The following ITGB6 variants were observed in gnomAD, a reference collection of about 807,000 sequenced individuals.
ITGB6 encodes the protein integrin beta-6.
In ITGB6, 80 loss-of-function variants were observed where a neutral mutation model predicts 84.5. The ratio of observed to expected loss-of-function variants is 0.95; its 90% CI spans 0.79 to 1.14. The LOEUF (loss-of-function observed/expected upper bound fraction) is 1.14. Among genes scored for constraint, ITGB6 ranks in the 50% most tolerant of loss-of-function variants. The pLI, the probability that ITGB6 is intolerant of heterozygous loss-of-function variation, is 0.00. For synonymous variants in ITGB6, 383 were observed against 354.9 expected (o/e 1.08, Z -0.89); for missense variants, 1,006 against 968.0 (o/e 1.04, Z -0.52).
intron 10 of ITGB6, among the ~76,000 whole-genome samples, chr2:160,134,218 G>A (rs1180212066): frequency 4.6e-5 from 7 of 152,094 alleles, no homozygotes; most frequent in Non-Finnish European, 5.9e-5. Context: ...AATGATAAAC[G>A]GGATATCACC....
chr2:160,118,448 T>C (rs556784420), intron 12 of ITGB6, among the ~76,000 whole-genome samples: 1 of 152,252 alleles, frequency 6.6e-6, no homozygotes, highest in Non-Finnish European at 1.5e-5. Flanking sequence ...GAAAAGGCCT[T>C]TGACAAAATT....
chr2:160,150,281 G>T (rs1452421838), intron 7 of ITGB6, among the ~76,000 whole-genome samples: 1 of 152,252 alleles, frequency 6.6e-6, no homozygotes, highest in South Asian at 2.1e-4. Context: ...CTACAAGCCA[G>T]AAGAGAGTGG....
chr2:160,163,005 C>T (rs1175991379), intron 7 of ITGB6, among the ~76,000 whole-genome samples: 1 of 152,106 alleles, frequency 6.6e-6, no homozygotes, highest in Non-Finnish European at 1.5e-5. Flanking sequence ...CCACGTGCCC[C>T]CAATTTCTCA....
At chr2:160,125,889 A>C (rs1237100977) in intron 11 of ITGB6, among the ~76,000 whole-genome samples, 2 of 152,196 alleles carry the variant, frequency 1.3e-5, no homozygotes, top group African/African-American at 4.8e-5. Context: ...GAAGCAGGAG[A>C]GAATTGAAAG....
chr2:160,136,850 A>T (rs1336767603), intron 10 of ITGB6, among the ~76,000 whole-genome samples: 3 of 150,332 alleles, frequency 2.0e-5, no homozygotes, highest in Non-Finnish European at 4.4e-5. Context: ...GAATTGAACA[A>T]TGAGAACACA....
chr2:160,123,811 G>C lies in ITGB6; in HGVS notation c.1961C>G (p.Ala654Gly), dbSNP rs150971153. The change falls in exon 12 of 15, where the codon GCG becomes GGG. Residue 654 changes from alanine to glycine, a missense_variant. By Grantham distance (60) the Ala-to-Gly change is moderately conservative (BLOSUM62 0). Transcript: ENST00000283249. ...ECVDKCKLAG[A>G]TISEEEDFSK... ...AGAACCTTCTTCTTCACTGATGGTC[G>C]CACCAGCTAGTTTGCACTTGTCCAC... 1 of 1,613,442 alleles carries C rather than the reference G, an allele frequency of 6.2e-7. No homozygotes were observed. Among genetic ancestry groups the C allele is most frequent in the Admixed American group, 1.7e-5 (1 of 59,994 alleles).
intron 12 of ITGB6, among the ~76,000 whole-genome samples, chr2:160,118,893 C>A (rs1161912284): frequency 5.3e-5 from 8 of 152,184 alleles, no homozygotes; most frequent in Non-Finnish European, 8.8e-5. Flanking sequence ...AGAACCAAAT[C>A]ATGAGTGAAC....
chr2:160,164,351 C>A (rs949788323), intron 7 of ITGB6, among the ~76,000 whole-genome samples: 1 of 152,126 alleles, frequency 6.6e-6, no homozygotes, highest in Non-Finnish European at 1.5e-5. Context: ...ATATCCTGTG[C>A]GTTGTAAATC....
chr2:160,191,042 T>G (rs920599106), intron 4 of ITGB6, among the ~76,000 whole-genome samples: 1 of 152,160 alleles, frequency 6.6e-6, no homozygotes. Flanking sequence ...AATACAAATT[T>G]TATTCAGGTA....
At chr2:160,139,363 T>C (rs1683898522) in intron 8 of ITGB6, among the ~76,000 whole-genome samples, 1 of 151,670 alleles carries the variant, frequency 6.6e-6, no homozygotes, top group Non-Finnish European at 1.5e-5. Flanking sequence ...ATTTTTAATT[T>C]GTGTGGGTAT....
chr2:160,174,685 A>C (rs193253096), intron 4 of ITGB6, among the ~76,000 whole-genome samples: 1 of 152,320 alleles, frequency 6.6e-6, no homozygotes, highest in Non-Finnish European at 1.5e-5. Context: ...TCTAGAAATA[A>C]AACCACTACT....
chr2:160,165,014 G>A (rs184282809), intron 7 of ITGB6, among the ~76,000 whole-genome samples: 67 of 152,204 alleles, frequency 4.4e-4, no homozygotes, highest in Admixed American at 1.7e-3. Flanking sequence ...CTCAGTCTTT[G>A]TTCCCAGATA....
chr2:160,149,777 T>C (rs926688015), intron 7 of ITGB6, among the ~76,000 whole-genome samples: 15 of 152,122 alleles, frequency 9.9e-5, no homozygotes, highest in African/African-American at 3.6e-4. Flanking sequence ...CTGATGGAGC[T>C]GAAAACCATG....
At chr2:160,194,337 T>C (rs1331086752) in intron 4 of ITGB6, among the ~76,000 whole-genome samples, 2 of 152,180 alleles carry the variant, frequency 1.3e-5, no homozygotes, top group Non-Finnish European at 2.9e-5. Flanking sequence ...GTTTTTTAAA[T>C]GGTATAATAA....
rs1430400534 is a variant in ITGB6 at position 160,178,733 on chromosome 2, C to T, written c.594-4594G>A. ...TTGAGACAGGGTCTCCCTCTGTAGCCCAGGCTGGAATGCGGTTGTGGTGGC... is the reference window on the plus strand; with the variant it reads ...TTGAGACAGGGTCTCCCTCTGTAGCTCAGGCTGGAATGCGGTTGTGGTGGC... On this transcript the variant is annotated intron_variant, in intron 4 of 14. Coordinates refer to ENST00000283249, the MANE Select transcript of ITGB6 (RefSeq NM_000888.5). Among the ~76,000 whole-genome samples the T allele has an allele frequency of 2.7e-5, 4 of 148,412 alleles. No homozygotes were observed. In the East Asian group the frequency reaches 5.9e-4, roughly 22 times the overall value.
chr2:160,195,705 C>A (rs1559239072), intron 3 of ITGB6, 90 bp from the exon 4 acceptor site: 19 of 1,423,740 alleles, frequency 1.3e-5, no homozygotes, highest in African/African-American at 2.8e-5. Context: ...GGCTATTTCA[C>A]CTCAATAAGA....
At chr2:160,131,340 A>G (rs1328941780) in intron 10 of ITGB6, among the ~76,000 whole-genome samples, 1 of 152,216 alleles carries the variant, frequency 6.6e-6, no homozygotes, top group East Asian at 1.9e-4. Context: ...TTGAGTGCTT[A>G]CAGATGGATG....
intron 4 of ITGB6, among the ~76,000 whole-genome samples, chr2:160,187,984 A>C (rs1685971353): frequency 6.6e-6 from 1 of 152,122 alleles, no homozygotes; most frequent in Non-Finnish European, 1.5e-5. Flanking sequence ...AGCGAGAAAA[A>C]ATTAACATTT....
At chr2:160,107,884 C>A in intron 13 of ITGB6, 39 bp from the exon 14 acceptor site, 3 of 1,529,950 alleles carry the variant, frequency 2.0e-6, no homozygotes, top group Non-Finnish European at 2.7e-6. Context: ...GTGGTAAAAT[C>A]AACATTTTGA....
Sources: gnomAD v4.1 joint callset for allele counts (sites outside exome capture counted in the v4.1 genomes callset) on GRCh38, gnomAD v4.1.1 for gene constraint, MANE v1.5 for transcripts, NCBI Gene and HGNC (gene_info 2026-07-23, HGNC 2026-07-21) for gene names.